The following ITPK1 variants were observed in gnomAD, a reference collection of about 807,000 sequenced individuals.
ITPK1 encodes inositol 1,3,4-trisphosphate 5/6-kinase.
Under a neutral mutation model 45.3 loss-of-function variants are expected in ITPK1, and 21 were observed. The observed-to-expected ratio is 0.46, with a 90% CI of 0.33 to 0.67. The LOEUF is 0.67. ITPK1 is among the 30% of genes least tolerant of loss of function. The probability of loss-of-function intolerance (pLI) is 0.02; values close to 1 mark genes in which losing one functional copy is unlikely to be tolerated. For missense variants in ITPK1, 474 were observed against 573.5 expected (o/e 0.83, Z 1.77); for synonymous variants, 258 against 253.6 (o/e 1.02, Z -0.16).
At chr14:93,031,593 C>T (rs1215894676) in intron 3 of ITPK1, among the ~76,000 whole-genome samples, 1 of 152,100 alleles carries the variant, frequency 6.6e-6, no homozygotes, top group Non-Finnish European at 1.5e-5. Flanking sequence ...CATCATTTCC[C>T]TTGTCTGGAA....
intron 2 of ITPK1, among the ~76,000 whole-genome samples, chr14:93,089,542 T>C (rs1051385258): frequency 6.6e-6 from 1 of 151,912 alleles, no homozygotes; most frequent in Admixed American, 6.6e-5. Context: ...GGCCAATCTG[T>C]GGGGAAGGCA....
Position 93,098,508 on chromosome 14 carries a change from AC to A in ITPK1, c.95+16560del, listed in dbSNP as rs879903395. Among the ~76,000 whole-genome samples, 12 of 151,590 alleles carry A rather than the reference AC, an allele frequency of 7.9e-5. No homozygotes were observed. In the East Asian group the frequency reaches 2.3e-3, roughly 29 times the overall value. Reference sequence around the variant, plus strand: ...CCGGGCGTGGTGGTGGGCGCCTGTAACCCCAGCTACTTGGGAGGCTAAGGCA... The same window carrying A: ...CCGGGCGTGGTGGTGGGCGCCTGTAACCCAGCTACTTGGGAGGCTAAGGCA... On this transcript the variant is annotated intron_variant, in intron 2 of 10. Coordinates refer to ENST00000267615, the MANE Select transcript of ITPK1 (RefSeq NM_014216.6).
At chr14:93,035,162 T>A (rs1372483216) in intron 3 of ITPK1, among the ~76,000 whole-genome samples, 1 of 152,196 alleles carries the variant, frequency 6.6e-6, no homozygotes, top group Non-Finnish European at 1.5e-5. Flanking sequence ...GGGACCTTGG[T>A]CACATTACGT....
chr14:92,954,480 G>A (rs959691846), intron 8 of ITPK1, among the ~76,000 whole-genome samples: 1 of 152,162 alleles, frequency 6.6e-6, no homozygotes, highest in African/African-American at 2.4e-5. Context: ...CCTCACTCAC[G>A]ACAGCACCCT....
chr14:93,078,945 T>C (rs371540857), intron 2 of ITPK1, among the ~76,000 whole-genome samples: 16 of 151,252 alleles, frequency 1.1e-4, no homozygotes, highest in Admixed American at 5.9e-4. Flanking sequence ...AACCGCACAA[T>C]GGGAAAGGCC....
chr14:92,961,632 G>T (rs1049043277), intron 7 of ITPK1, among the ~76,000 whole-genome samples: 79 of 152,176 alleles, frequency 5.2e-4, no homozygotes, highest in Non-Finnish European at 1.0e-4. Context: ...CACAAAACAG[G>T]CCCTCGAAGA....
At chr14:93,004,553 C>CGT (rs979281074) in intron 4 of ITPK1, among the ~76,000 whole-genome samples, 1 of 151,754 alleles carries the variant, frequency 6.6e-6, no homozygotes, top group East Asian at 1.9e-4. Context: ...TGAGTGAGTG[C>CGT]GTGTGTGTGT....
chr14:93,087,200 T>A (rs980908647), intron 2 of ITPK1, among the ~76,000 whole-genome samples: 1 of 152,242 alleles, frequency 6.6e-6, no homozygotes, highest in African/African-American at 2.4e-5. Flanking sequence ...CTTTCTCTAG[T>A]TCTAAAGGCT....
intron 9 of ITPK1, among the ~76,000 whole-genome samples, chr14:92,949,710 G>GC (rs1458653345): frequency 2.0e-5 from 3 of 152,392 alleles, no homozygotes; most frequent in African/African-American, 7.2e-5. Context: ...GAGCTTGGCT[G>GC]CTGCACTGCC....
intron 3 of ITPK1, among the ~76,000 whole-genome samples, chr14:93,029,177 G>A (rs761453131): frequency 3.3e-5 from 5 of 152,060 alleles, no homozygotes; most frequent in African/African-American, 4.8e-5. Context: ...GCTTTGCTCC[G>A]AAAAAAGGAC....
At chr14:93,090,094 C>T (rs886336212) in intron 2 of ITPK1, among the ~76,000 whole-genome samples, 1 of 152,106 alleles carries the variant, frequency 6.6e-6, no homozygotes, top group African/African-American at 2.4e-5. Context: ...TCATCACCCC[C>T]CAGCCCCTGC....
Position 93,075,025 on chromosome 14 carries a change from C to T in ITPK1, c.120+1570G>A, listed in dbSNP as rs1178720024. Among the ~76,000 whole-genome samples, 4 of 152,112 alleles carry T rather than the reference C, an allele frequency of 2.6e-5. No individual in the cohort carries two copies. The East Asian group carries it at 7.7e-4, about 29-fold the overall frequency. On this transcript the variant is annotated intron_variant, in intron 3 of 10. Coordinates refer to ENST00000267615, the MANE Select transcript of ITPK1 (RefSeq NM_014216.6). ...ACTTGATGATGGAGAAATTAAAGCC[C>T]ACAGAAAAATTCAATGCAGGTTGGG... is the stretch of plus-strand genomic sequence containing the variant.
intron 5 of ITPK1, among the ~76,000 whole-genome samples, chr14:92,991,114 A>T (rs531874908): frequency 6.6e-6 from 1 of 152,154 alleles, no homozygotes; most frequent in African/African-American, 2.4e-5. Flanking sequence ...TGATTATCTG[A>T]GGGAACTTCA....
chr14:92,961,194 C>T (rs1055554276), intron 7 of ITPK1, among the ~76,000 whole-genome samples: 1 of 152,230 alleles, frequency 6.6e-6, no homozygotes, highest in Non-Finnish European at 1.5e-5. Context: ...GCCCAGCATA[C>T]CCCAACATGT....
intron 9 of ITPK1, among the ~76,000 whole-genome samples, chr14:92,946,747 C>T (rs1887711007): frequency 6.6e-6 from 1 of 152,244 alleles, no homozygotes; most frequent in African/African-American, 2.4e-5. Flanking sequence ...GCCAGCACTG[C>T]ACATTACACA....
intron 5 of ITPK1, among the ~76,000 whole-genome samples, chr14:92,983,016 A>G (rs901704478): frequency 3.3e-5 from 5 of 152,224 alleles, no homozygotes; most frequent in African/African-American, 1.2e-4. Context: ...CAATACAGCA[A>G]GCCACGGGCA....
Position 92,938,645 on chromosome 14 carries a change from A to T in ITPK1, c.*2916T>A. The T allele has an allele frequency of 1.2e-6, 1 of 808,790 alleles. No individual in the cohort carries two copies. Among genetic ancestry groups the T allele is most frequent in the East Asian group, 2.6e-5 (1 of 37,742 alleles). The allele number at this position is 808,790 out of a possible 1,614,324, so 50.1% of individuals were successfully genotyped here. On this transcript the variant is annotated 3_prime_UTR_variant, in exon 11 of 11. Transcript: ENST00000267615. ...AACCTGCCAGGTTGCAGCTGGGTCC[A>T]ATCCCGCCGGCCATGCTGGGTGACT...
intron 2 of ITPK1, among the ~76,000 whole-genome samples, chr14:93,111,826 C>T (rs1892767768): frequency 6.6e-6 from 1 of 151,698 alleles, no homozygotes. Flanking sequence ...GAGCCGTGTC[C>T]CCAGAGAAAG....
At chr14:93,005,452 C>A (rs1236856357) in intron 4 of ITPK1, among the ~76,000 whole-genome samples, 1 of 152,140 alleles carries the variant, frequency 6.6e-6, no homozygotes. Context: ...AGGGTCCGGG[C>A]AAGCCAAGTG....
Sources: allele counts gnomAD v4.1 joint callset (sites outside exome capture counted in the v4.1 genomes callset), GRCh38; gene constraint gnomAD v4.1.1; transcripts MANE v1.5; gene names NCBI Gene and HGNC (gene_info 2026-07-23, HGNC 2026-07-21).